Variants in TRPC1 observed in about 807,000 individuals in gnomAD.
TRPC1 encodes short transient receptor potential channel 1.
TRPC1 carries 42 observed loss-of-function variants against 88.2 expected under a neutral mutation model. The ratio of observed to expected loss-of-function variants is 0.48; its 90% CI spans 0.37 to 0.62. The LOEUF is 0.62. Among genes scored for constraint, TRPC1 ranks in the 20% least tolerant of loss-of-function variants. The pLI is 0.00. For synonymous variants in TRPC1, 288 were observed against 331.8 expected (o/e 0.87, Z 1.43); for missense variants, 699 against 957.3 (o/e 0.73, Z 3.56).
chr3:142,784,682 T>C, intron 6 of TRPC1, 22 bp from the exon 7 acceptor site: 1 of 1,549,662 alleles, frequency 6.5e-7, no homozygotes, highest in Non-Finnish European at 8.7e-7. Flanking sequence ...TTCTTTTTAA[T>C]GTGTGTGTAT....
At chr3:142,788,496 C>T (rs373945065) in intron 7 of TRPC1, among the ~76,000 whole-genome samples, 1 of 151,904 alleles carries the variant, frequency 6.6e-6, no homozygotes, top group Non-Finnish European at 1.5e-5. Context: ...AGTACAGTTT[C>T]GGATATGTTG....
chr3:142,748,233 G>A, intron 3 of TRPC1, 25 bp from the exon 4 acceptor site: 1 of 1,573,532 alleles, frequency 6.4e-7, no homozygotes, highest in East Asian at 2.2e-5. Context: ...TAATAACTTT[G>A]GACATTTATA....
In TRPC1 at chr3:142,752,600, T is replaced by G. The variant is rs141030704; in HGVS notation, c.632+4140T>G. ...ACTGCAAGAGGCTTTCCTCTTTTAC[T>G]AATCCACCTCAGCACAGACCCTTTA... On this transcript the variant is annotated intron_variant, in intron 4 of 12. Transcript: ENST00000476941. Among the ~76,000 whole-genome samples, 453 of 152,162 alleles carry G rather than the reference T, an allele frequency of 3.0e-3. 1 individual carries two copies. Among genetic ancestry groups the G allele is most frequent in the African/African-American group, 0.01 (435 of 41,516 alleles).
Position 142,798,099 on chromosome 3 carries a change from C to T in TRPC1, c.1582-4070C>T, listed in dbSNP as rs552500103. On this transcript the variant is annotated intron_variant, in intron 9 of 12. Coordinates refer to ENST00000476941, the MANE Select transcript of TRPC1 (RefSeq NM_001251845.2). ...GGGGAGCATGTTCAACCTAGATTCT[C>T]AAGTCCTACCCTCAGAGATACTGAT... Among the ~76,000 whole-genome samples, 6 of 152,120 alleles carry T rather than the reference C, an allele frequency of 3.9e-5. No individual in the cohort carries two copies. In the South Asian group the frequency reaches 1.0e-3, roughly 26 times the overall value.
intron 10 of TRPC1, 83 bp from the exon 11 acceptor site, chr3:142,803,894 A>T: frequency 7.4e-7 from 1 of 1,360,518 alleles, no homozygotes; most frequent in Non-Finnish European, 1.0e-6. Flanking sequence ...TGTTTTATTT[A>T]AATAATTTTG....
At chr3:142,782,121 A>T (rs188349051) in intron 6 of TRPC1, among the ~76,000 whole-genome samples, 2,178 of 152,250 alleles carry the variant, frequency 0.014, 22 homozygotes, top group Non-Finnish European at 0.023. Flanking sequence ...AAAGTGATTT[A>T]AAAAAAGAAC....
At chr3:142,746,776 C>A (rs1934569370) in intron 3 of TRPC1, among the ~76,000 whole-genome samples, 1 of 151,782 alleles carries the variant, frequency 6.6e-6, no homozygotes, top group Non-Finnish European at 1.5e-5. Context: ...CAAAACTGTT[C>A]ATGGCCGGGA....
chr3:142,798,033 G>A (rs1489912683), intron 9 of TRPC1, among the ~76,000 whole-genome samples: 1 of 152,082 alleles, frequency 6.6e-6, no homozygotes, highest in East Asian at 1.9e-4. Context: ...GAGGAGTCAT[G>A]TAGTCCAGAG....
chr3:142,763,983 T>TATATATATACAC (rs1441314374), intron 4 of TRPC1, among the ~76,000 whole-genome samples: 4 of 74,350 alleles, frequency 5.4e-5, no homozygotes, highest in African/African-American at 1.3e-4. Context: ...TATATATATA[T>TATATATATACAC]ACACATACAT....
chr3:142,777,075 G>A (rs1411940714), intron 4 of TRPC1, among the ~76,000 whole-genome samples: 1 of 152,126 alleles, frequency 6.6e-6, no homozygotes, highest in East Asian at 1.9e-4. Flanking sequence ...ACTTTGGGAG[G>A]CCAAGATGGG....
At chr3:142,733,913 A>AT (rs1218826438) in intron 1 of TRPC1, among the ~76,000 whole-genome samples, 2 of 152,204 alleles carry the variant, frequency 1.3e-5, no homozygotes, top group Admixed American at 6.5e-5. Context: ...TGTTCTGGGC[A>AT]TTGCAGGGAT....
chr3:142,772,875 A>T (rs945776539), intron 4 of TRPC1, among the ~76,000 whole-genome samples: 1 of 152,180 alleles, frequency 6.6e-6, no homozygotes, highest in Non-Finnish European at 1.5e-5. Context: ...TTGACTTCTT[A>T]TGAGGGTCGT....
intron 4 of TRPC1, among the ~76,000 whole-genome samples, chr3:142,770,652 A>G (rs1935545313): frequency 6.6e-6 from 1 of 152,156 alleles, no homozygotes; most frequent in Admixed American, 6.5e-5. Flanking sequence ...TGATTGGATT[A>G]AGCTGTTCAC....
intron 5 of TRPC1, among the ~76,000 whole-genome samples, chr3:142,779,291 G>A (rs1003433017): frequency 6.6e-6 from 1 of 152,116 alleles, no homozygotes; most frequent in South Asian, 2.1e-4. Flanking sequence ...TAGGAGCAAA[G>A]TTATAACTAG....
intron 5 of TRPC1, among the ~76,000 whole-genome samples, chr3:142,779,861 ATTTTTT>A (rs1008974297): frequency 5.6e-5 from 7 of 125,418 alleles, no homozygotes; most frequent in Non-Finnish European, 1.0e-4. Flanking sequence ...AATGTAATTG[ATTTTTT>A]TTTTTTTTTT....
rs550098688 is a variant in TRPC1 at position 142,727,885 on chromosome 3, C to CA, written c.172+3155dup. 1.4e-4 allele frequency among the ~76,000 whole-genome samples: 22 copies of CA among 152,082 alleles called. No individual in the cohort carries two copies. In the East Asian group the frequency reaches 4.3e-3, roughly 29 times the overall value. The stretch of plus-strand genomic sequence containing the variant: ...ATAATGAGCCTCTTTTATTTGTAGG[C>CA]ACCTATGGTGTCCCTCAGGTCTGTT... On this transcript the variant is annotated intron_variant, in intron 1 of 12. Coordinates refer to ENST00000476941, the MANE Select transcript of TRPC1 (RefSeq NM_001251845.2).
chr3:142,784,636 A>G, intron 6 of TRPC1, 68 bp from the exon 7 acceptor site: 2 of 1,218,884 alleles, frequency 1.6e-6, no homozygotes, highest in Non-Finnish European at 2.3e-6. Flanking sequence ...TTTGAATATC[A>G]ACCAATCAGT....
At position 142,792,688 on chromosome 3, in the gene TRPC1, C is replaced by T; in HGVS notation, c.1438-136C>T. On this transcript the variant is annotated intron_variant, in intron 8 of 12. Transcript: ENST00000476941. This position sits in a 1 kb window ranked among gnomAD's most constrained non-coding sequence, Gnocchi z 4.0. ...AATATTATTTCTATTTTTAAAAAAC[C>T]CTATAAAACATAAGTGGAGATCCCC... 1.6e-6 allele frequency: 1 copy of T among 629,286 alleles called. No individual in the cohort carries two copies. Among genetic ancestry groups the T allele is most frequent in the Non-Finnish European group, 2.3e-6 (1 of 428,976 alleles). The allele number at this position is 629,286 out of a possible 1,614,324, so 39.0% of individuals were successfully genotyped here.
intron 1 of TRPC1, among the ~76,000 whole-genome samples, chr3:142,727,103 C>T (rs1464418481): frequency 6.6e-6 from 1 of 152,208 alleles, no homozygotes; most frequent in Non-Finnish European, 1.5e-5. Context: ...AGAAAAGACA[C>T]ATCCATATTT....
Sources: gnomAD v4.1 joint callset for allele counts (sites outside exome capture counted in the v4.1 genomes callset) on GRCh38, gnomAD v4.1.1 for gene constraint, Gnocchi (gnomAD v3.1) non-coding constraint, MANE v1.5 for transcripts, NCBI Gene and HGNC (gene_info 2026-07-23, HGNC 2026-07-21) for gene names.